Variants in ESRRG observed in about 807,000 individuals in gnomAD.
ESRRG encodes estrogen-related receptor gamma.
ESRRG carries 13 observed loss-of-function variants against 44.0 expected under a neutral mutation model. The observed-to-expected ratio is 0.30, with a 90% CI of 0.19 to 0.47. The LOEUF (loss-of-function observed/expected upper bound fraction) is 0.47, where lower values mean the gene tolerates loss of function less well. ESRRG is among the 20% of genes least tolerant of loss of function. ESRRG has a pLI of 1.00. For missense variants in ESRRG, 395 were observed against 580.6 expected, an observed-to-expected ratio of 0.68 and a Z score of 3.29; for synonymous variants, 215 against 214.6, an observed-to-expected ratio of 1.00 and a Z score of -0.02.
chr1:216,890,890 C>G (rs1406172426), intron 2 of ESRRG, among the ~76,000 whole-genome samples: 3 of 152,154 alleles, frequency 2.0e-5, no homozygotes, highest in Admixed American at 2.0e-4. Context: ...GTTTGTGTCC[C>G]TACTATGCAA....
chr1:216,567,806 T>C (rs1173047073), intron 4 of ESRRG, among the ~76,000 whole-genome samples, 182 bp downstream of exon 4: 1 of 151,696 alleles, frequency 6.6e-6, no homozygotes. Flanking sequence ...AAAGAAAAAA[T>C]GAGATAATAA....
chr1:216,954,483 C>A (rs908723597), intron 1 of ESRRG, among the ~76,000 whole-genome samples: 3 of 152,092 alleles, frequency 2.0e-5, no homozygotes, highest in Admixed American at 2.0e-4. Flanking sequence ...ATCTTGGCCT[C>A]TTCTAGGGAA....
At chr1:217,005,708 T>G (rs1311047727) in intron 1 of ESRRG, among the ~76,000 whole-genome samples, 1 of 152,186 alleles carries the variant, frequency 6.6e-6, no homozygotes, top group East Asian at 1.9e-4. Context: ...GGTTCTTAAA[T>G]GGTTCTTCTG....
At chr1:216,769,051 T>C (rs1360236575) in intron 2 of ESRRG, among the ~76,000 whole-genome samples, 2 of 146,366 alleles carry the variant, frequency 1.4e-5, no homozygotes, top group Non-Finnish European at 3.0e-5. Context: ...ATGGAATAGA[T>C]GTTTTAGGAA....
intron 1 of ESRRG, among the ~76,000 whole-genome samples, chr1:217,042,628 G>A (rs559586781): frequency 1.3e-5 from 2 of 151,810 alleles, no homozygotes; most frequent in South Asian, 2.1e-4. Context: ...CATTCTAAAC[G>A]TGCAAACAGT....
At chr1:216,755,484 C>A (rs2092386877) in intron 2 of ESRRG, among the ~76,000 whole-genome samples, 1 of 152,042 alleles carries the variant, frequency 6.6e-6, no homozygotes. Flanking sequence ...ATACAAACTA[C>A]ATACTATATA....
intron 2 of ESRRG, among the ~76,000 whole-genome samples, chr1:216,903,538 G>T (rs1293049264): frequency 6.6e-6 from 1 of 152,012 alleles, no homozygotes; most frequent in Non-Finnish European, 1.5e-5. Flanking sequence ...TTGCTCAGCT[G>T]TAAGGAATGG....
At chr1:216,810,559 AAT>A (rs1330626262) in intron 2 of ESRRG, among the ~76,000 whole-genome samples, 1 of 147,828 alleles carries the variant, frequency 6.8e-6, no homozygotes, top group Non-Finnish European at 1.5e-5. Context: ...TAGAAGGCAG[AAT>A]ATATATATTA....
intron 1 of ESRRG, among the ~76,000 whole-genome samples, chr1:217,109,434 C>T (rs17045257): frequency 0.085 from 12,919 of 152,150 alleles, 711 homozygotes; most frequent in South Asian, 0.16. Context: ...GGCAAAGTCC[C>T]TTTTCTAATG....
intron 1 of ESRRG, among the ~76,000 whole-genome samples, chr1:216,954,722 C>T (rs138969405): frequency 9.2e-5 from 14 of 152,194 alleles, no homozygotes; most frequent in African/African-American, 3.1e-4. Context: ...GTATGGTTCA[C>T]GTTAATATAT....
chr1:217,114,815 C>A (rs377690189), intron 1 of ESRRG, among the ~76,000 whole-genome samples: 2 of 151,864 alleles, frequency 1.3e-5, no homozygotes, highest in Admixed American at 6.6e-5. Context: ...CGCCACCACA[C>A]GCAGCTAATT....
At chr1:216,870,237 T>C (rs2096241090) in intron 2 of ESRRG, among the ~76,000 whole-genome samples, 1 of 150,380 alleles carries the variant, frequency 6.6e-6, no homozygotes, top group African/African-American at 2.4e-5. Flanking sequence ...TCAATTGACA[T>C]AAACCTGTCA....
intron 2 of ESRRG, among the ~76,000 whole-genome samples, chr1:216,655,304 A>G (rs1005108167): frequency 3.3e-5 from 5 of 152,166 alleles, no homozygotes; most frequent in African/African-American, 1.2e-4. Context: ...AGGAGACAAG[A>G]CGTGTAAATA....
At chr1:216,856,798 A>G (rs950823667) in intron 2 of ESRRG, among the ~76,000 whole-genome samples, 1 of 152,230 alleles carries the variant, frequency 6.6e-6, no homozygotes, top group Non-Finnish European at 1.5e-5. Flanking sequence ...GGCTTGTGCC[A>G]GTCTCTTAAG....
At chr1:216,737,074 A>C (rs1305608623) in intron 2 of ESRRG, among the ~76,000 whole-genome samples, 1 of 152,194 alleles carries the variant, frequency 6.6e-6, no homozygotes, top group African/African-American at 2.4e-5. Context: ...ATAAATTAAT[A>C]AATAAAGTGA....
chr1:217,027,615 C>T (rs1471976385), intron 1 of ESRRG, among the ~76,000 whole-genome samples: 1 of 151,982 alleles, frequency 6.6e-6, no homozygotes, highest in African/African-American at 2.4e-5. Context: ...GCAAACCACA[C>T]CATTAAACTG....
intron 5 of ESRRG, among the ~76,000 whole-genome samples, chr1:216,553,474 T>C (rs2149410727): frequency 6.6e-6 from 1 of 152,310 alleles, no homozygotes; most frequent in African/African-American, 2.4e-5. Flanking sequence ...TCTTTTCCCC[T>C]TCTGGACTTT....
intron 1 of ESRRG, among the ~76,000 whole-genome samples, chr1:217,126,082 T>C (rs2092885583): frequency 6.6e-6 from 1 of 152,132 alleles, no homozygotes; most frequent in African/African-American, 2.4e-5. Flanking sequence ...AGGCCTGAAC[T>C]TGTTATCAGA....
chr1:216,803,290 A>G (rs573290413), intron 2 of ESRRG, among the ~76,000 whole-genome samples: 1 of 152,300 alleles, frequency 6.6e-6, no homozygotes, highest in East Asian at 1.9e-4. Context: ...TTTTAAAATA[A>G]GTTATTAAAT....
Sources: gnomAD v4.1 joint callset for allele counts (sites outside exome capture counted in the v4.1 genomes callset) on GRCh38, gnomAD v4.1.1 for gene constraint, MANE v1.5 for transcripts, NCBI Gene and HGNC (gene_info 2026-07-23, HGNC 2026-07-21) for gene names.